Variants in GAK observed in about 807,000 individuals in gnomAD.
GAK encodes the protein cyclin G associated kinase, also known as cyclin-G-associated kinase.
GAK carries 79 observed loss-of-function variants against 143.9 expected under a neutral mutation model. The ratio of observed to expected loss-of-function variants is 0.55; its 90% CI spans 0.46 to 0.66. GAK has a LOEUF of 0.66. Ranked by LOEUF, GAK falls within the 30% of genes least tolerant of loss-of-function variation. The pLI, the probability that GAK is intolerant of heterozygous loss-of-function variation, is 0.00. For missense variants in GAK, 1,693 were observed against 1,779.7 expected (o/e 0.95, Z 0.88); for synonymous variants, 881 against 765.5 (o/e 1.15, Z -2.49).
At chr4:873,622 C>T (rs1368782277) in intron 18 of GAK, among the ~76,000 whole-genome samples, 2 of 152,182 alleles carry the variant, frequency 1.3e-5, no homozygotes, top group Non-Finnish European at 1.5e-5. Flanking sequence ...GTACTGAAGC[C>T]ATGTCACTGC....
chr4:893,094 CCT>C (rs1240724823), intron 9 of GAK, among the ~76,000 whole-genome samples: 2 of 152,122 alleles, frequency 1.3e-5, no homozygotes, highest in African/African-American at 2.4e-5. Flanking sequence ...GCCTCCCTCC[CCT>C]CTGTGATAGG....
chr4:878,894 T>A (rs1714532539), intron 15 of GAK, among the ~76,000 whole-genome samples: 1 of 152,106 alleles, frequency 6.6e-6, no homozygotes, highest in Non-Finnish European at 1.5e-5. Context: ...ACTTCTATGG[T>A]GACGGTGCAG....
In GAK at chr4:868,547, T is replaced by C; in HGVS notation, c.2387A>G (p.Asp796Gly). Residue 796 changes from aspartate to glycine, a missense_variant, in exon 20 of 28, where the codon GAC becomes GGC. By Grantham distance (94) the Asp-to-Gly change is moderately conservative. Coordinates refer to ENST00000314167, the MANE Select transcript of GAK (RefSeq NM_005255.4). Reference protein sequence around the residue: ...ADASRFLHTLDWQEEKEAETG... With the variant: ...ADASRFLHTLGWQEEKEAETG... ...CCAGGGACGCTGCCTACCCTGCCAG[T>C]CCAGCGTGTGCAGGAAGCGACTGGC... is the stretch of plus-strand genomic sequence containing the variant. 1 of 1,607,278 alleles carries C rather than the reference T, an allele frequency of 6.2e-7. No homozygotes were observed.
intron 1 of GAK, among the ~76,000 whole-genome samples, chr4:928,898 G>A (rs1006217609): frequency 6.6e-6 from 1 of 152,072 alleles, no homozygotes; most frequent in Non-Finnish European, 1.5e-5. Context: ...TGAGTAGCTG[G>A]GACTACAGGC....
At chr4:912,671 G>T in intron 3 of GAK, 64 bp downstream of exon 3, 1 of 1,351,324 alleles carries the variant, frequency 7.4e-7, no homozygotes, top group Non-Finnish European at 1.0e-6. Flanking sequence ...GGCGGTCACA[G>T]CTTGACGCAG....
intron 5 of GAK, among the ~76,000 whole-genome samples, chr4:899,864 C>A (rs972995464): frequency 1.3e-5 from 2 of 152,264 alleles, no homozygotes; most frequent in African/African-American, 4.8e-5. Flanking sequence ...GAAACGGACA[C>A]ACATGCCACC....
intron 3 of GAK, chr4:912,009 A>C: frequency 2.0e-6 from 1 of 506,834 alleles, no homozygotes; most frequent in Non-Finnish European, 3.9e-6. Context: ...GGACAAAGGC[A>C]GGCACACCGG....
intron 1 of GAK, chr4:914,149 G>A (rs1256376522): frequency 1.0e-3 from 67 of 66,624 alleles, no homozygotes; most frequent in Non-Finnish European, 1.3e-3. Context: ...CAGCGTGCAC[G>A]GCCCCCACAC....
At chr4:851,699 A>G (rs1256815360) in intron 25 of GAK, 51 bp downstream of exon 25, 2 of 1,564,286 alleles carry the variant, frequency 1.3e-6, no homozygotes, top group Non-Finnish European at 1.8e-6. Context: ...CCTTTAGCCA[A>G]TTCAGGGAGG....
rs2152739053 is a variant in GAK at position 865,204 on chromosome 4, G to A, written c.3084C>T (p.Ser1028=). 6.2e-7 allele frequency: 1 copy of A among 1,613,338 alleles called. No homozygotes were observed. Among genetic ancestry groups the A allele is most frequent in the South Asian group, 1.1e-5 (1 of 91,014 alleles). The change falls in exon 23 of 28, where the codon TCC becomes TCT. Residue 1028 remains serine (S), a synonymous_variant. Transcript: ENST00000314167. ...PGEPSKMTAS[S]SNPDLLGGWA... ...ATCCTCCCAGCAGGTCTGGGTTGCTGGACGAGGCTGTCATCTTGCTGGGCT... is the reference window on the plus strand; with the variant it reads ...ATCCTCCCAGCAGGTCTGGGTTGCTAGACGAGGCTGTCATCTTGCTGGGCT...
chr4:855,284 C>T (rs1748938614), intron 24 of GAK, among the ~76,000 whole-genome samples: 2 of 151,740 alleles, frequency 1.3e-5, no homozygotes, highest in African/African-American at 4.8e-5. Context: ...AGTCCCACCA[C>T]ACAAGCCCTA....
rs556167314 is a variant in GAK at position 882,126 on chromosome 4, G to T, written c.1528-86C>A. On this transcript the variant is annotated intron_variant, in intron 14 of 27. Coordinates refer to ENST00000314167, the MANE Select transcript of GAK (RefSeq NM_005255.4). ...GGTCCTCGGGCATCCTACCCACCCTGTGGCTGCAGGGACGCAGGGCTGTTC... is the reference window on the plus strand; with the variant it reads ...GGTCCTCGGGCATCCTACCCACCCTTTGGCTGCAGGGACGCAGGGCTGTTC... 3.7e-5 allele frequency: 53 copies of T among 1,415,696 alleles called. No individual in the cohort carries two copies. The East Asian group carries it at 1.2e-3, about 32-fold the overall frequency. 87.7% of individuals were successfully genotyped at this position (1,415,696 alleles called of 1,614,324 possible).
intron 5 of GAK, among the ~76,000 whole-genome samples, chr4:902,655 C>T (rs368368081): frequency 4.9e-4 from 72 of 147,714 alleles, no homozygotes; most frequent in African/African-American, 1.7e-3. Context: ...GCACGGAGGA[C>T]GAGGCCCACC....
chr4:886,686 C>T (rs1716399737), intron 11 of GAK: 1 of 152,288 alleles, frequency 6.6e-6, no homozygotes, highest in African/African-American at 2.4e-5. Context: ...TCTCTCACCC[C>T]CCTGGGTCCA....
intron 23 of GAK, among the ~76,000 whole-genome samples, chr4:862,916 A>G (rs1750555389): frequency 6.6e-6 from 1 of 152,230 alleles, no homozygotes. Context: ...CTAACACAAC[A>G]TCTGTTCTGC....
intron 1 of GAK, among the ~76,000 whole-genome samples, chr4:929,249 G>A (rs1478715526): frequency 2.0e-5 from 3 of 152,204 alleles, no homozygotes; most frequent in Admixed American, 6.5e-5. Context: ...CTAACACTGC[G>A]CATGGCACAC....
At chr4:890,476 G>T in intron 10 of GAK, 56 bp downstream of exon 10, 2 of 1,353,480 alleles carry the variant, frequency 1.5e-6, no homozygotes, top group Non-Finnish European at 2.0e-6. Context: ...TGCTGCGGGT[G>T]CCCGGGGTGC....
chr4:874,755 G>A (rs2152782657), intron 18 of GAK, among the ~76,000 whole-genome samples: 1 of 151,514 alleles, frequency 6.6e-6, no homozygotes, highest in African/African-American at 2.4e-5. Context: ...AAAATTTTTG[G>A]CCAATGATTT....
At chr4:887,890 CCAG>C (rs903696171) in intron 11 of GAK, 1 of 150,802 alleles carries the variant, frequency 6.6e-6, no homozygotes, top group African/African-American at 2.4e-5. Flanking sequence ...CATACTCACA[CCAG>C]CATTTACACA....
Sources: gnomAD v4.1 joint callset for allele counts (sites outside exome capture counted in the v4.1 genomes callset) on GRCh38, gnomAD v4.1.1 for gene constraint, MANE v1.5 for transcripts, NCBI Gene and HGNC (gene_info 2026-07-23, HGNC 2026-07-21) for gene names.